The following MAGI2 variants were observed in gnomAD, a reference collection of about 807,000 sequenced individuals.
The protein encoded by MAGI2 is membrane-associated guanylate kinase, WW and PDZ domain-containing protein 2.
In MAGI2, 35 loss-of-function variants were observed where a neutral mutation model predicts 133.3. The ratio of observed to expected loss-of-function variants is 0.26; its 90% confidence interval spans 0.20 to 0.35. The LOEUF is 0.35. Ranked by LOEUF, MAGI2 falls within the 10% of genes least tolerant of loss-of-function variation. MAGI2 has a pLI of 1.00. For missense variants in MAGI2, 1,636 were observed against 1,863.4 expected, an observed-to-expected ratio of 0.88 and a Z score of 2.25; for synonymous variants, 729 against 710.6, an observed-to-expected ratio of 1.03 and a Z score of -0.41.
chr7:79,188,879 T>C (rs938606072), intron 1 of MAGI2, among the ~76,000 whole-genome samples: 1 of 152,012 alleles, frequency 6.6e-6, no homozygotes, highest in East Asian at 1.9e-4. Context: ...CATATGCGTG[T>C]ATATTATTTA....
intron 1 of MAGI2, among the ~76,000 whole-genome samples, chr7:79,082,942 T>C (rs1009300602): frequency 2.6e-5 from 4 of 151,892 alleles, no homozygotes; most frequent in African/African-American, 9.7e-5. Flanking sequence ...TTTTACCTGA[T>C]GCTATTATAA....
chr7:78,834,804 T>C (rs1460709624), intron 2 of MAGI2, among the ~76,000 whole-genome samples: 1 of 152,136 alleles, frequency 6.6e-6, no homozygotes, highest in African/African-American at 2.4e-5. Context: ...CCTTATGGCT[T>C]GGTGCTGTAC....
At chr7:78,570,151 G>A (rs1376606164) in intron 3 of MAGI2, among the ~76,000 whole-genome samples, 1 of 152,162 alleles carries the variant, frequency 6.6e-6, no homozygotes, top group Non-Finnish European at 1.5e-5. Context: ...ACAGGGTAGA[G>A]TGGAATAGCC....
rs555604868 is a variant in MAGI2 at position 78,664,095 on chromosome 7, G to C, written c.419-36856C>G. ...CAAAATATGCAAAGGCTACCAGAGA[G>C]TGTCTATTTAGTCATAGAGTCTATT... On this transcript the variant is annotated intron_variant, in intron 2 of 21. Transcript: ENST00000354212. Among the ~76,000 whole-genome samples, 19 of 152,274 alleles carry C rather than the reference G, an allele frequency of 1.2e-4. 1 individual carries two copies. The highest frequency in any genetic ancestry group is 2.4e-4 in the Non-Finnish European group (16 of 68,016).
chr7:78,888,037 T>C (rs1462649418), intron 2 of MAGI2, among the ~76,000 whole-genome samples: 1 of 152,200 alleles, frequency 6.6e-6, no homozygotes, highest in Non-Finnish European at 1.5e-5. Context: ...ACCCTAATAC[T>C]GCACTTTTCC....
chr7:78,414,503 A>G lies in MAGI2; in HGVS notation c.1046-45290T>C, dbSNP rs113806184. 3.8e-3 allele frequency among the ~76,000 whole-genome samples: 578 copies of G among 152,128 alleles called. 2 individuals are homozygous for G. Among genetic ancestry groups the G allele is most frequent in the Non-Finnish European group, 5.5e-3 (376 of 67,968 alleles). On this transcript the variant is annotated intron_variant, in intron 6 of 21. Coordinates refer to ENST00000354212, the MANE Select transcript of MAGI2 (RefSeq NM_012301.4). Reference sequence around the variant, plus strand: ...CTTTATTTTTAAATTTCATATAAATATATATTATGCTTATTAGTAGGACAA... The same window carrying G: ...CTTTATTTTTAAATTTCATATAAATGTATATTATGCTTATTAGTAGGACAA...
intron 20 of MAGI2, among the ~76,000 whole-genome samples, chr7:78,098,247 G>A (rs1329044343): frequency 6.6e-6 from 1 of 152,022 alleles, no homozygotes; most frequent in Non-Finnish European, 1.5e-5. Context: ...ATTGATGAGT[G>A]TCTTTCTAGT....
chr7:79,382,846 A>T (rs951682690), intron 1 of MAGI2, among the ~76,000 whole-genome samples: 1 of 151,568 alleles, frequency 6.6e-6, no homozygotes, highest in Non-Finnish European at 1.5e-5. Flanking sequence ...CAGATTATAA[A>T]TCTCTGAGAG....
Position 78,437,062 on chromosome 7 carries a change from G to A in MAGI2, c.1045+52699C>T, listed in dbSNP as rs1800362422. Among the ~76,000 whole-genome samples the A allele has an allele frequency of 3.9e-5, 6 of 151,902 alleles. No homozygotes were observed. The South Asian group carries it at 1.3e-3, about 32-fold the overall frequency. On this transcript the variant is annotated intron_variant, in intron 6 of 21. Transcript: ENST00000354212. ...TGAGAAAGGTTCAGACTGAGGTGTG[G>A]GAGCCTGGAGGATGCAGGAAAATTC...
rs141750304 is a variant in MAGI2 at position 78,023,600 on chromosome 7, C to T, written c.3707-3624G>A. ...CTGGGATTTATGCAGCCCCTTTGTC[C>T]AATGTCCCCAGGCCCAGTGGCTAAA... On this transcript the variant is annotated intron_variant, in intron 21 of 21. Coordinates refer to ENST00000354212, the MANE Select transcript of MAGI2 (RefSeq NM_012301.4). Among the ~76,000 whole-genome samples, 198 of 152,318 alleles carry T rather than the reference C, an allele frequency of 1.3e-3. 5 individuals are homozygous for T. The East Asian group carries it at 0.03, about 23-fold the overall frequency.
intron 1 of MAGI2, among the ~76,000 whole-genome samples, chr7:79,186,633 C>T (rs33955716): frequency 0.18 from 26,388 of 147,646 alleles, 5,438 homozygotes; most frequent in African/African-American, 0.49. Context: ...TATATACTTT[C>T]GTATAAGTGC....
At chr7:79,087,515 T>A (rs1287354997) in intron 1 of MAGI2, among the ~76,000 whole-genome samples, 1 of 151,950 alleles carries the variant, frequency 6.6e-6, no homozygotes, top group Non-Finnish European at 1.5e-5. Flanking sequence ...ATTTAACAAA[T>A]GTTTAGTTGA....
chr7:78,640,576 C>T (rs1810181531), intron 2 of MAGI2, among the ~76,000 whole-genome samples: 2 of 151,840 alleles, frequency 1.3e-5, no homozygotes, highest in Admixed American at 6.6e-5. Context: ...CAAGACAACA[C>T]ACTTATTTGC....
In MAGI2 at chr7:79,210,663, C is replaced by T. The variant is rs539436105; in HGVS notation, c.302-203457G>A. Among the ~76,000 whole-genome samples the T allele has an allele frequency of 1.6e-4, 25 of 152,134 alleles. 1 individual carries two copies. The highest frequency in any genetic ancestry group is 5.3e-4 in the African/African-American group (22 of 41,426). On this transcript the variant is annotated intron_variant, in intron 1 of 21. Transcript: ENST00000354212. Reference sequence around the variant, plus strand: ...CATCACATGCAACATAACTCATGTGCGCATGCCATCTGAAAGGGCCACATT... The same window carrying T: ...CATCACATGCAACATAACTCATGTGTGCATGCCATCTGAAAGGGCCACATT...
rs936811952 is a variant in MAGI2, at chr7:78,159,942, G to T, written c.2845+83C>A. 28 of 1,478,584 alleles carry T rather than the reference G, an allele frequency of 1.9e-5. No individual in the cohort carries two copies. In the Admixed American group the frequency reaches 6.1e-4, roughly 32 times the overall value. 91.6% of individuals were successfully genotyped at this position (1,478,584 alleles called of 1,614,324 possible). ...TACAGTATGTCCGTGACAGTCTTCT[G>T]ATATACTTGTCCGGTATCTGTATCA... On this transcript the variant is annotated intron_variant, in intron 16 of 21. Transcript: ENST00000354212.
chr7:78,032,009 C>CTTTTTT (rs377672697), intron 21 of MAGI2, among the ~76,000 whole-genome samples: 1 of 124,166 alleles, frequency 8.1e-6, no homozygotes, highest in East Asian at 2.5e-4. Flanking sequence ...AGCCCCCCCA[C>CTTTTTT]TTTTTTTTTT....
intron 2 of MAGI2, among the ~76,000 whole-genome samples, chr7:78,667,368 C>CT (rs1204111914): frequency 9.1e-5 from 13 of 142,272 alleles, no homozygotes; most frequent in Non-Finnish European, 1.7e-4. Context: ...TTTTGAGATT[C>CT]TTTTTTTTTT....
intron 2 of MAGI2, among the ~76,000 whole-genome samples, chr7:78,634,945 C>A (rs1809469227): frequency 6.6e-6 from 1 of 152,034 alleles, no homozygotes; most frequent in East Asian, 1.9e-4. Flanking sequence ...TTATTCCAGA[C>A]CACTCCTCCA....
At chr7:78,252,298 T>G (rs1792479621) in intron 10 of MAGI2, 1 of 151,892 alleles carries the variant, frequency 6.6e-6, no homozygotes, top group Non-Finnish European at 1.5e-5. Flanking sequence ...ACCTAGAGGG[T>G]GTGGTAGTAG....
Sources: gnomAD v4.1 joint callset for allele counts (sites outside exome capture counted in the v4.1 genomes callset) on GRCh38, gnomAD v4.1.1 for gene constraint, MANE v1.5 for transcripts, NCBI Gene and HGNC (gene_info 2026-07-23, HGNC 2026-07-21) for gene names.